The following CREB3L1 variants were observed in gnomAD, a reference collection of about 807,000 sequenced individuals.
CREB3L1 encodes the protein cAMP responsive element binding protein 3 like 1, also known as cyclic AMP-responsive element-binding protein 3-like protein 1.
Under a neutral mutation model 54.5 loss-of-function variants are expected in CREB3L1, and 33 were observed. The ratio of observed to expected loss-of-function variants is 0.61; its 90% CI spans 0.46 to 0.81. The LOEUF is 0.81. Among genes scored for constraint, CREB3L1 ranks in the 30% least tolerant of loss-of-function variants. The pLI, the probability that CREB3L1 is intolerant of heterozygous loss-of-function variation, is 0.00. For missense variants in CREB3L1, 656 were observed against 673.3 expected (o/e 0.97, Z 0.29); for synonymous variants, 284 against 286.4 (o/e 0.99, Z 0.08).
intron 1 of CREB3L1, among the ~76,000 whole-genome samples, chr11:46,291,036 G>T (rs1479452135): frequency 1.3e-5 from 2 of 152,198 alleles, no homozygotes; most frequent in Admixed American, 1.3e-4. Flanking sequence ...GGCCCCTGGG[G>T]CAATGGAGGA....
At chr11:46,315,458 G>C in intron 8 of CREB3L1, 1 of 212,394 alleles carries the variant, frequency 4.7e-6, no homozygotes, top group Non-Finnish European at 9.5e-6. Context: ...CTCACCCTCA[G>C]GGAGGCCACA....
At chr11:46,285,258 C>T (rs1939039291) in intron 1 of CREB3L1, among the ~76,000 whole-genome samples, 1 of 152,222 alleles carries the variant, frequency 6.6e-6, no homozygotes, top group African/African-American at 2.4e-5. Flanking sequence ...AAGAAACCAG[C>T]TCCAGATGCT....
intron 10 of CREB3L1, among the ~76,000 whole-genome samples, chr11:46,318,674 A>T (rs988339676): frequency 1.3e-5 from 2 of 152,210 alleles, no homozygotes; most frequent in Admixed American, 1.3e-4. Context: ...AGAATCCTTC[A>T]GGTGGACCCA....
chr11:46,297,014 G>T (rs970559552), intron 1 of CREB3L1, among the ~76,000 whole-genome samples: 1 of 152,314 alleles, frequency 6.6e-6, no homozygotes, highest in Admixed American at 6.5e-5. Context: ...CCAGGAAGGG[G>T]CTTGGCAAAC....
At chr11:46,320,652 G>C (rs1939636723) in intron 11 of CREB3L1, 58 bp from the exon 12 acceptor site, 1 of 1,580,526 alleles carries the variant, frequency 6.3e-7, no homozygotes, top group Non-Finnish European at 8.6e-7. Context: ...GATCCAGCTT[G>C]CAGAGGGTAA....
intron 2 of CREB3L1, among the ~76,000 whole-genome samples, chr11:46,301,090 G>T (rs1939294614): frequency 6.7e-6 from 1 of 150,172 alleles, no homozygotes; most frequent in Non-Finnish European, 1.5e-5. Flanking sequence ...TAAGGCAGGA[G>T]AATCGCTTGA....
intron 1 of CREB3L1, among the ~76,000 whole-genome samples, chr11:46,288,718 T>C (rs1204270302): frequency 6.6e-6 from 1 of 152,092 alleles, no homozygotes; most frequent in Non-Finnish European, 1.5e-5. Flanking sequence ...GGGCCCATAT[T>C]TTGTATCTGG....
chr11:46,307,161 A>C (rs1939409355), intron 2 of CREB3L1, among the ~76,000 whole-genome samples: 1 of 152,012 alleles, frequency 6.6e-6, no homozygotes, highest in Non-Finnish European at 1.5e-5. Context: ...TACAGGCATG[A>C]GCCACTGCAC....
intron 1 of CREB3L1, among the ~76,000 whole-genome samples, chr11:46,287,807 C>A (rs908317173): frequency 2.6e-5 from 4 of 152,022 alleles, no homozygotes; most frequent in Admixed American, 6.5e-5. Context: ...GAAACCACAT[C>A]TCTACTAAAA....
intron 1 of CREB3L1, among the ~76,000 whole-genome samples, chr11:46,299,180 G>T (rs1939255964): frequency 6.6e-6 from 1 of 150,902 alleles, no homozygotes; most frequent in Non-Finnish European, 1.5e-5. Flanking sequence ...TAAAATTCTG[G>T]TCGTGACCCA....
chr11:46,307,886 G>T lies in CREB3L1; in HGVS notation c.402G>T (p.Pro134=). Residue 134 remains proline, a synonymous_variant, in exon 3 of 12, where the codon CCG becomes CCT. Coordinates refer to ENST00000621158, the MANE Select transcript of CREB3L1 (RefSeq NM_052854.4). ...CSIMVKQEQS[P]ELPVDPLAAP... is the part of the protein sequence containing the mutation. Reference sequence around the variant, plus strand: ...TCATGGTGAAGCAGGAGCAGAGCCCGGAGCTGCCCGTGGACCCTCTGGCTG... The same window carrying T: ...TCATGGTGAAGCAGGAGCAGAGCCCTGAGCTGCCCGTGGACCCTCTGGCTG... 2.5e-6 allele frequency: 4 copies of T among 1,580,200 alleles called. No homozygotes were observed. The highest frequency in any genetic ancestry group is 1.8e-5 in the Admixed American group (1 of 55,536).
chr11:46,292,460 G>A (rs1165255545), intron 1 of CREB3L1, among the ~76,000 whole-genome samples: 3 of 152,170 alleles, frequency 2.0e-5, no homozygotes, highest in African/African-American at 4.8e-5. Flanking sequence ...AGATTCAAAC[G>A]AGAATTGGAC....
rs762019941 is a variant in CREB3L1, at chr11:46,312,341, C to T, written c.770C>T (p.Ser257Leu). ...TTCCTACAGAAATTACAGGGGACAT[C>T]AGGGCCACTGCTCCTGACAGAGGAG... ...LTAPHKLQGT[S>L]GPLLLTEEEK... Residue 257 changes from serine to leucine, a missense_variant, in exon 6 of 12, where the codon TCA becomes TTA. By Grantham distance (145) the Ser-to-Leu change is moderately radical (BLOSUM62 -2). Around this residue, in one of 3 missense-constraint regions of CREB3L1, gnomAD observed 77 missense variants for 122.0 expected, o/e 0.63. Transcript: ENST00000621158. 7.5e-6 allele frequency: 12 copies of T among 1,604,010 alleles called. No individual in the cohort carries two copies. The South Asian group carries it at 1.0e-4, about 13-fold the overall frequency.
intron 1 of CREB3L1, among the ~76,000 whole-genome samples, chr11:46,299,055 C>A (rs1169053992): frequency 6.6e-6 from 1 of 152,204 alleles, no homozygotes; most frequent in Admixed American, 6.5e-5. Flanking sequence ...ACCAAGTACA[C>A]ACATGTGCGT....
chr11:46,315,238 A>G, intron 8 of CREB3L1: 1 of 233,048 alleles, frequency 4.3e-6, no homozygotes, highest in Non-Finnish European at 8.8e-6. Flanking sequence ...CTGACCCCCC[A>G]CCCCACCCCT....
Position 46,312,665 on chromosome 11 carries a change from A to G in CREB3L1, c.957A>G (p.Glu319=), listed in dbSNP as rs34811165. The G allele has an allele frequency of 5.9e-4, 955 of 1,609,510 alleles. 3 individuals are homozygous for G. In the African/African-American group the frequency reaches 0.012, roughly 20 times the overall value. ...RKKKEYVECL[E]KKVETFTSEN... ...AGAAGGAGTATGTGGAGTGTCTAGA[A>G]AAGAAGTAAGGGGCTTGGGAGGGGT... Residue 319 remains glutamate, a synonymous_variant, in exon 7 of 12, where the codon GAA becomes GAG. Transcript: ENST00000621158.
At chr11:46,305,109 C>T (rs1458611905) in intron 2 of CREB3L1, among the ~76,000 whole-genome samples, 1 of 152,154 alleles carries the variant, frequency 6.6e-6, no homozygotes, top group African/African-American at 2.4e-5. Flanking sequence ...CCAGCCCTGC[C>T]TTGAATGTTG....
At position 46,320,542 on chromosome 11, in the gene CREB3L1, C is replaced by A. The variant is rs752442250; in HGVS notation, c.1523+14C>A. The A allele has an allele frequency of 1.9e-6, 3 of 1,564,312 alleles. No individual in the cohort carries two copies. The highest frequency in any genetic ancestry group is 2.6e-6 in the Non-Finnish European group (3 of 1,153,240). ...GTTCCACGACAGGTGGGGTGTGTGG[C>A]CCCTTTCCCTCCTGAGGTCTCAGGC... On this transcript the variant is annotated intron_variant, in intron 11 of 11. Transcript: ENST00000621158.
intron 1 of CREB3L1, among the ~76,000 whole-genome samples, chr11:46,289,358 A>G (rs1302961976): frequency 6.6e-6 from 1 of 152,188 alleles, no homozygotes; most frequent in Non-Finnish European, 1.5e-5. Context: ...CAGCCTGGGC[A>G]ACAGAGTGAG....
Sources: allele counts gnomAD v4.1 joint callset (sites outside exome capture counted in the v4.1 genomes callset), GRCh38; gene constraint gnomAD v4.1.1; regional missense constraint gnomAD v4.1.1; transcripts MANE v1.5; gene names NCBI Gene and HGNC (gene_info 2026-07-23, HGNC 2026-07-21).